PDE4B: variants seen among roughly 807,000 people sequenced by gnomAD.
PDE4B encodes the protein phosphodiesterase 4B, also known as 3',5'-cyclic-AMP phosphodiesterase 4B.
Under a neutral mutation model 82.2 loss-of-function variants are expected in PDE4B, and 20 were observed. The observed-to-expected ratio is 0.24, with a 90% CI of 0.17 to 0.35. PDE4B has a LOEUF of 0.35. Among genes scored for constraint, PDE4B ranks in the 10% least tolerant of loss-of-function variants. PDE4B has a pLI of 1.00. For missense variants in PDE4B, 655 were observed against 907.2 expected (o/e 0.72, Z 3.57); for synonymous variants, 320 against 318.9 (o/e 1.00, Z -0.04).
At chr1:66,037,757 G>A (rs1208986528) in intron 3 of PDE4B, among the ~76,000 whole-genome samples, 2 of 151,896 alleles carry the variant, frequency 1.3e-5, no homozygotes, top group African/African-American at 2.4e-5. Context: ...GTGAATATTG[G>A]CATCATTTTC....
At chr1:66,095,420 G>A (rs1645096425) in intron 3 of PDE4B, among the ~76,000 whole-genome samples, 2 of 151,852 alleles carry the variant, frequency 1.3e-5, no homozygotes, top group Admixed American at 6.6e-5. Flanking sequence ...TTCTGGAGAG[G>A]AAACTAAGGT....
At chr1:66,150,456 A>G (rs958027538) in intron 3 of PDE4B, among the ~76,000 whole-genome samples, 2 of 152,332 alleles carry the variant, frequency 1.3e-5, no homozygotes, top group East Asian at 1.9e-4. Flanking sequence ...AGGATTTTCT[A>G]TTTACAAGAT....
intron 3 of PDE4B, among the ~76,000 whole-genome samples, chr1:66,219,367 G>A (rs1650772902): frequency 6.6e-6 from 1 of 152,132 alleles, no homozygotes; most frequent in Admixed American, 6.6e-5. Flanking sequence ...AAACTTATTA[G>A]TAAATCATCA....
intron 1 of PDE4B, among the ~76,000 whole-genome samples, chr1:65,838,872 G>A (rs1373947116): frequency 1.3e-5 from 2 of 152,056 alleles, no homozygotes; most frequent in Non-Finnish European, 2.9e-5. Context: ...ATAAGCTCAA[G>A]AGGTTTCTGT....
At chr1:66,148,133 G>A (rs1214959123) in intron 3 of PDE4B, among the ~76,000 whole-genome samples, 3 of 152,212 alleles carry the variant, frequency 2.0e-5, no homozygotes, top group South Asian at 2.1e-4. Context: ...AGCCGAGCTT[G>A]GTGGTGAGTA....
At chr1:66,262,115 C>T (rs1429884984) in intron 6 of PDE4B, among the ~76,000 whole-genome samples, 1 of 152,190 alleles carries the variant, frequency 6.6e-6, no homozygotes, top group Non-Finnish European at 1.5e-5. Flanking sequence ...CAGGAAAGAA[C>T]TAATAACCAC....
chr1:66,141,364 A>ATATATATATG, intron 3 of PDE4B, among the ~76,000 whole-genome samples: 1 of 135,854 alleles, frequency 7.4e-6, no homozygotes, highest in African/African-American at 2.6e-5. Context: ...ATATATATAT[A>ATATATATATG]TATGAAGAAA....
At chr1:65,984,704 G>A (rs1468933383) in intron 3 of PDE4B, among the ~76,000 whole-genome samples, 2 of 152,080 alleles carry the variant, frequency 1.3e-5, no homozygotes, top group Non-Finnish European at 2.9e-5. Context: ...GCAGTGAGCC[G>A]AGATGGTGCC....
chr1:65,907,919 T>A (rs1454653145), intron 1 of PDE4B, among the ~76,000 whole-genome samples: 1 of 152,160 alleles, frequency 6.6e-6, no homozygotes, highest in African/African-American at 2.4e-5. Context: ...TTTCACGTTC[T>A]GTAAGGATAG....
intron 7 of PDE4B, among the ~76,000 whole-genome samples, chr1:66,275,019 T>C (rs187692518): frequency 6.6e-6 from 1 of 152,320 alleles, no homozygotes; most frequent in Admixed American, 6.5e-5. Context: ...GGTAGAGTTC[T>C]CCAGCTCATA....
chr1:65,820,575 A>G (rs12061146), intron 1 of PDE4B, among the ~76,000 whole-genome samples: 4,609 of 152,226 alleles, frequency 0.03, 173 homozygotes, highest in East Asian at 0.12. Flanking sequence ...CATATGTTTT[A>G]AGTAAGATGT....
intron 8 of PDE4B, among the ~76,000 whole-genome samples, chr1:66,343,555 G>A (rs770462213): frequency 2.6e-5 from 4 of 152,148 alleles, no homozygotes; most frequent in Non-Finnish European, 4.4e-5. Context: ...TTTTATTTAT[G>A]TCTGCTCAGA....
chr1:65,981,865 G>A (rs1328155379), intron 3 of PDE4B, among the ~76,000 whole-genome samples: 2 of 152,104 alleles, frequency 1.3e-5, no homozygotes, highest in African/African-American at 4.8e-5. Flanking sequence ...GGCTGGAACT[G>A]ATTCTTTTCT....
chr1:66,037,084 G>A (rs1031656657), intron 3 of PDE4B, among the ~76,000 whole-genome samples: 6 of 136,806 alleles, frequency 4.4e-5, no homozygotes, highest in Admixed American at 1.6e-4. Flanking sequence ...AGTGAGCCAA[G>A]ATCACACCAC....
chr1:66,249,632 C>CCTTT (rs1653598076), intron 4 of PDE4B, among the ~76,000 whole-genome samples: 1 of 152,094 alleles, frequency 6.6e-6, no homozygotes, highest in African/African-American at 2.4e-5. Flanking sequence ...AGTTTACTGT[C>CCTTT]CTTTCAATTT....
chr1:65,886,921 T>A (rs1412072786), intron 1 of PDE4B, among the ~76,000 whole-genome samples: 1 of 152,168 alleles, frequency 6.6e-6, no homozygotes, highest in African/African-American at 2.4e-5. Context: ...ATATTTTTGT[T>A]GTATTTTTAG....
At chr1:66,061,181 ACCTTAAT>A (rs1341030966) in intron 3 of PDE4B, among the ~76,000 whole-genome samples, 6 of 150,670 alleles carry the variant, frequency 4.0e-5, no homozygotes. Context: ...ACAGATTTTA[ACCTTAAT>A]TTGAATGGAA....
At chr1:65,928,142 A>T (rs1647611341) in intron 3 of PDE4B, among the ~76,000 whole-genome samples, 1 of 152,158 alleles carries the variant, frequency 6.6e-6, no homozygotes, top group Admixed American at 6.6e-5. Context: ...TGGGAGAAAG[A>T]TTCACTGCTC....
intron 3 of PDE4B, among the ~76,000 whole-genome samples, chr1:65,987,970 T>C (rs1651042982): frequency 6.6e-6 from 1 of 152,226 alleles, no homozygotes; most frequent in Admixed American, 6.5e-5. Flanking sequence ...ATAATGTACA[T>C]TTGGTCTACA....
Sources: allele counts gnomAD v4.1 joint callset (sites outside exome capture counted in the v4.1 genomes callset), GRCh38; gene constraint gnomAD v4.1.1; transcripts MANE v1.5; gene names NCBI Gene and HGNC (gene_info 2026-07-23, HGNC 2026-07-21).